The following TNKS variants were observed in gnomAD, a reference collection of about 807,000 sequenced individuals.
TNKS encodes tankyrase.
A neutral mutation model predicts 135.8 loss-of-function variants in TNKS; 72 were observed. The observed-to-expected ratio is 0.53, with a 90% CI of 0.44 to 0.64. The LOEUF (loss-of-function observed/expected upper bound fraction) is 0.64, where lower values mean the gene tolerates loss of function less well. Ranked by LOEUF, TNKS falls within the 30% of genes least tolerant of loss-of-function variation. The probability of loss-of-function intolerance (pLI) is 0.00; values close to 1 mark genes in which losing one functional copy is unlikely to be tolerated. For missense variants in TNKS, 1,769 were observed against 1,674.0 expected, an observed-to-expected ratio of 1.06 and a Z score of -0.99; for synonymous variants, 849 against 649.3, an observed-to-expected ratio of 1.31 and a Z score of -4.68.
At chr8:9,641,380 A>G (rs1800725474) in intron 3 of TNKS, among the ~76,000 whole-genome samples, 1 of 144,890 alleles carries the variant, frequency 6.9e-6, no homozygotes, top group Non-Finnish European at 1.5e-5. Context: ...AAACTGGGTA[A>G]TTGAGATATT....
Position 9,594,514 on chromosome 8 carries a change from T to C in TNKS, c.898+14131T>C, listed in dbSNP as rs554872843. ...AAATTTTTGTTATCACAGAAAGTTC[T>C]GTTGGACAGTGCTGTTAGACCCAGT... is the stretch of plus-strand genomic sequence containing the variant. On this transcript the variant is annotated intron_variant, in intron 2 of 26. Transcript: ENST00000310430. Among the ~76,000 whole-genome samples the C allele has an allele frequency of 2.6e-5, 4 of 152,354 alleles. No homozygotes were observed. The South Asian group carries it at 8.3e-4, about 32-fold the overall frequency.
intron 2 of TNKS, among the ~76,000 whole-genome samples, chr8:9,584,948 C>A (rs1482731200): frequency 6.6e-6 from 1 of 152,094 alleles, no homozygotes; most frequent in Non-Finnish European, 1.5e-5. Context: ...AACATCTAGA[C>A]ATGAAGCCCA....
intron 11 of TNKS, among the ~76,000 whole-genome samples, chr8:9,718,108 C>T (rs1221598493): frequency 1.3e-5 from 2 of 152,060 alleles, no homozygotes; most frequent in Non-Finnish European, 2.9e-5. Context: ...AAACTTTGTT[C>T]TCATAATACT....
chr8:9,744,060 C>T (rs1041901865), intron 17 of TNKS, among the ~76,000 whole-genome samples: 2 of 151,920 alleles, frequency 1.3e-5, no homozygotes, highest in Admixed American at 6.6e-5. Context: ...GTCTTTGAGC[C>T]TTTTTTGTAT....
intron 2 of TNKS, among the ~76,000 whole-genome samples, chr8:9,588,734 C>T (rs1324074255): frequency 6.6e-6 from 1 of 152,136 alleles, no homozygotes; most frequent in Non-Finnish European, 1.5e-5. Context: ...GTCTGTGCTT[C>T]TGGTGAGTCT....
At chr8:9,734,262 G>A (rs1447768737) in intron 15 of TNKS, among the ~76,000 whole-genome samples, 3 of 152,036 alleles carry the variant, frequency 2.0e-5, no homozygotes, top group Non-Finnish European at 2.9e-5. Context: ...ACAGTCTGTG[G>A]CCGACCCATA....
chr8:9,585,454 A>G (rs1403232984), intron 2 of TNKS, among the ~76,000 whole-genome samples: 1 of 152,170 alleles, frequency 6.6e-6, no homozygotes, highest in Non-Finnish European at 1.5e-5. Flanking sequence ...GGAGCTCCAT[A>G]TGAGATTGAT....
chr8:9,633,120 G>T (rs1800362224), intron 3 of TNKS, among the ~76,000 whole-genome samples: 1 of 152,184 alleles, frequency 6.6e-6, no homozygotes, highest in African/African-American at 2.4e-5. Context: ...CTGAAGAAAT[G>T]CATGGTGAAA....
chr8:9,723,819 A>G (rs1450753199), intron 12 of TNKS, among the ~76,000 whole-genome samples: 1 of 152,170 alleles, frequency 6.6e-6, no homozygotes, highest in Non-Finnish European at 1.5e-5. Flanking sequence ...TCTTTTGGCC[A>G]TTTCTTTTAA....
intron 2 of TNKS, among the ~76,000 whole-genome samples, chr8:9,589,559 G>T (rs1271487822): frequency 6.6e-6 from 1 of 152,180 alleles, no homozygotes; most frequent in African/African-American, 2.4e-5. Context: ...CTAAACCTGA[G>T]ATGCAAAGAA....
rs921780252 is a variant in TNKS at position 9,613,378 on chromosome 8, C to T, written c.899-2204C>T. ...TGTCACTTTATGTTCTAATTCAGTC[C>T]TCCTGGCAATCTTGTAATCTTGTAT... On this transcript the variant is annotated intron_variant, in intron 2 of 26. Coordinates refer to ENST00000310430, the MANE Select transcript of TNKS (RefSeq NM_003747.3). Among the ~76,000 whole-genome samples, 41 of 152,150 alleles carry T rather than the reference C, an allele frequency of 2.7e-4. 1 individual carries two copies. The highest frequency in any genetic ancestry group is 7.7e-4 in the African/African-American group (32 of 41,432).
intron 3 of TNKS, among the ~76,000 whole-genome samples, chr8:9,622,129 A>T (rs1469021021): frequency 6.6e-6 from 1 of 152,214 alleles, no homozygotes; most frequent in Non-Finnish European, 1.5e-5. Flanking sequence ...TTAAAATATG[A>T]AGACAATTTA....
At chr8:9,588,758 G>T (rs1205324721) in intron 2 of TNKS, among the ~76,000 whole-genome samples, 3 of 152,092 alleles carry the variant, frequency 2.0e-5, no homozygotes, top group Non-Finnish European at 2.9e-5. Flanking sequence ...TCTGAAACAC[G>T]TGGCCATTTA....
intron 3 of TNKS, among the ~76,000 whole-genome samples, chr8:9,623,434 CTTT>C (rs80125974): frequency 0.15 from 21,196 of 141,174 alleles, 1,846 homozygotes; most frequent in East Asian, 0.3. Context: ...GTGAAACACA[CTTT>C]TTTTTTTTTT....
chr8:9,742,744 GAATTA>G (rs1419514959), intron 17 of TNKS, among the ~76,000 whole-genome samples: 3 of 147,368 alleles, frequency 2.0e-5, no homozygotes, highest in Admixed American at 6.8e-5. Context: ...AAAATATAAT[GAATTA>G]AATTAAGAAG....
chr8:9,689,368 A>C (rs902394584), intron 5 of TNKS, among the ~76,000 whole-genome samples: 4 of 152,218 alleles, frequency 2.6e-5, no homozygotes, highest in African/African-American at 9.7e-5. Flanking sequence ...TGCCATCAAG[A>C]GTAAAGCTTC....
chr8:9,741,615 G>A, intron 17 of TNKS: 1 of 444,156 alleles, frequency 2.3e-6, no homozygotes, highest in Non-Finnish European at 4.9e-6. Context: ...AGAGGATAAA[G>A]GAAAGTTAAT....
intron 3 of TNKS, among the ~76,000 whole-genome samples, chr8:9,660,506 A>G (rs1410600977): frequency 2.0e-5 from 3 of 152,248 alleles, no homozygotes; most frequent in Non-Finnish European, 4.4e-5. Context: ...ATCTCAATAG[A>G]TGCAGAAAAG....
intron 3 of TNKS, among the ~76,000 whole-genome samples, chr8:9,662,195 CA>C (rs1801750090): frequency 6.6e-6 from 1 of 152,152 alleles, no homozygotes; most frequent in Admixed American, 6.5e-5. Flanking sequence ...GGCGATTCCT[CA>C]GGGATCTAGA....
Sources: allele counts gnomAD v4.1 joint callset (sites outside exome capture counted in the v4.1 genomes callset), GRCh38; gene constraint gnomAD v4.1.1; transcripts MANE v1.5; gene names NCBI Gene and HGNC (gene_info 2026-07-23, HGNC 2026-07-21).